The following SLC5A11 variants were observed in gnomAD, a reference collection of about 807,000 sequenced individuals.
SLC5A11 encodes the protein sodium/myo-inositol cotransporter 2.
SLC5A11 carries 48 observed loss-of-function variants against 69.8 expected under a neutral mutation model. The observed-to-expected ratio is 0.69, with a 90% CI of 0.55 to 0.87. The LOEUF is 0.87. Among genes scored for constraint, SLC5A11 ranks in the 40% least tolerant of loss-of-function variants. SLC5A11 has a pLI of 0.00. For synonymous variants in SLC5A11, 319 were observed against 342.4 expected (o/e 0.93, Z 0.75); for missense variants, 784 against 866.1 (o/e 0.91, Z 1.19).
At chr16:24,862,812 C>G in intron 3 of SLC5A11, 140 bp downstream of exon 4, 2 of 555,080 alleles carry the variant, frequency 3.6e-6, no homozygotes, top group Non-Finnish European at 5.7e-6. Context: ...AGGCTTAGCT[C>G]CAGCTCAAAT....
intron 8 of SLC5A11, among the ~76,000 whole-genome samples, chr16:24,884,996 C>T (rs1030219665): frequency 1.3e-5 from 2 of 152,154 alleles, no homozygotes; most frequent in African/African-American, 4.8e-5. Flanking sequence ...CCTGCCTCGG[C>T]CTCCCAAAGT....
chr16:24,897,671 C>G (rs2049278414), intron 9 of SLC5A11, among the ~76,000 whole-genome samples: 1 of 152,128 alleles, frequency 6.6e-6, no homozygotes, highest in African/African-American at 2.4e-5. Flanking sequence ...GGGGAGGCCT[C>G]ACAATCATGG....
At chr16:24,910,261 G>C (rs769350874) in intron 14 of SLC5A11, 45 bp from the exon 16 acceptor site, 3 of 1,599,216 alleles carry the variant, frequency 1.9e-6, no homozygotes, top group Admixed American at 3.4e-5. Flanking sequence ...GACAACCCCG[G>C]CCCCACCTCC....
chr16:24,853,748 T>G (rs1161372202), intron 1 of SLC5A11, among the ~76,000 whole-genome samples: 3 of 152,224 alleles, frequency 2.0e-5, no homozygotes, highest in Non-Finnish European at 2.9e-5. Context: ...GATTCCCACC[T>G]GTGAAATGGA....
chr16:24,881,388 G>A (rs2048034970), intron 7 of SLC5A11, among the ~76,000 whole-genome samples: 1 of 152,054 alleles, frequency 6.6e-6, no homozygotes, highest in Admixed American at 6.6e-5. Flanking sequence ...CCAGGTTCAA[G>A]TGATTCTCCT....
intron 14 of SLC5A11, among the ~76,000 whole-genome samples, chr16:24,909,890 T>C (rs1398186146): frequency 6.6e-6 from 1 of 151,094 alleles, no homozygotes; most frequent in African/African-American, 2.4e-5. Flanking sequence ...CCAGAATTTC[T>C]AGAGAATTTC....
intron 13 of SLC5A11, among the ~76,000 whole-genome samples, chr16:24,908,469 G>T (rs745375947): frequency 6.6e-6 from 1 of 151,656 alleles, no homozygotes; most frequent in Non-Finnish European, 1.5e-5. Flanking sequence ...TGTGGTGGTG[G>T]GCGCCTGTAA....
chr16:24,849,587 AAAAAAAATATATATATATATAT>A, intron 1 of SLC5A11, among the ~76,000 whole-genome samples: 2 of 81,884 alleles, frequency 2.4e-5, no homozygotes, highest in East Asian at 2.8e-4. Flanking sequence ...AAAAAAAAAA[AAAAAAAATATATATATATATAT>A]ATATATATAT....
At chr16:24,875,363 T>C (rs1460404793) in intron 5 of SLC5A11, among the ~76,000 whole-genome samples, 1 of 150,470 alleles carries the variant, frequency 6.6e-6, no homozygotes, top group Non-Finnish European at 1.5e-5. Flanking sequence ...TTTGTATTTT[T>C]TGTAGAAATG....
chr16:24,877,721 T>C (rs539842819), intron 7 of SLC5A11, among the ~76,000 whole-genome samples: 21 of 152,034 alleles, frequency 1.4e-4, no homozygotes, highest in South Asian at 8.3e-4. Context: ...CACGGTGGCT[T>C]ACGCCTGTAA....
At chr16:24,849,553 C>G (rs1395715970) in intron 1 of SLC5A11, among the ~76,000 whole-genome samples, 1 of 109,286 alleles carries the variant, frequency 9.2e-6, no homozygotes, top group African/African-American at 3.5e-5. Flanking sequence ...GGTAACAGAG[C>G]GAGACTCTGC....
intron 14 of SLC5A11, 62 bp from the exon 16 acceptor site, chr16:24,910,244 A>G: frequency 6.4e-7 from 1 of 1,562,294 alleles, no homozygotes; most frequent in Non-Finnish European, 8.7e-7. Flanking sequence ...AGTGTGAGAA[A>G]AGGATGGACA....
At chr16:24,872,166 T>C (rs1319606771) in exon 5 of SLC5A11, 4 of 1,614,124 alleles carry the variant, frequency 2.5e-6, no homozygotes, top group African/African-American at 1.3e-5. Flanking sequence ...GCAGGGCTTG[T>C]TTTCTGTGCT....
chr16:24,901,715 A>G (rs1219394968), intron 10 of SLC5A11, among the ~76,000 whole-genome samples: 8 of 152,172 alleles, frequency 5.3e-5, no homozygotes, highest in Admixed American at 5.2e-4. Flanking sequence ...CTGGGGGCCC[A>G]TAAGTGAACA....
At chr16:24,870,346 TTGCACTAC>T (rs1361874519) in intron 4 of SLC5A11, among the ~76,000 whole-genome samples, 1 of 151,136 alleles carries the variant, frequency 6.6e-6, no homozygotes, top group East Asian at 2.0e-4. Context: ...TGAGCAGAGA[TTGCACTAC>T]TGCGCGCCAG....
chr16:24,883,577 T>C (rs1306905808), intron 7 of SLC5A11, among the ~76,000 whole-genome samples: 1 of 152,224 alleles, frequency 6.6e-6, no homozygotes, highest in Admixed American at 6.5e-5. Flanking sequence ...CTGCGAATTA[T>C]AGTTCGGTGT....
At chr16:24,888,774 G>A (rs1240322369) in intron 8 of SLC5A11, among the ~76,000 whole-genome samples, 3 of 122,906 alleles carry the variant, frequency 2.4e-5, no homozygotes, top group African/African-American at 6.2e-5. Context: ...GTGAGCCACC[G>A]TGCCTGTCCT....
rs748412604 is a variant in SLC5A11, at chr16:24,885,656, C to CAAAA, written c.664+1547_664+1550dup. Among the ~76,000 whole-genome samples, 37 of 65,928 alleles carry CAAAA rather than the reference C, an allele frequency of 5.6e-4. 1 individual carries two copies. The highest frequency in any genetic ancestry group is 2.1e-3 in the African/African-American group (33 of 15,638). 43.3% of individuals were successfully genotyped at this position (65,928 alleles called of 152,430 possible). On this transcript the variant is annotated intron_variant, in intron 8 of 15. Transcript: ENST00000347898. Reference sequence around the variant, plus strand: ...TTTGAGACAGAGTGAGACCCTGTCTCAAAAAAAAAAAAAAAAAAAAAAAAA... The same window carrying CAAAA: ...TTTGAGACAGAGTGAGACCCTGTCTCAAAAAAAAAAAAAAAAAAAAAAAAAAAAA...
chr16:24,863,607 A>C (rs2046736924), intron 3 of SLC5A11, among the ~76,000 whole-genome samples: 1 of 152,148 alleles, frequency 6.6e-6, no homozygotes, highest in South Asian at 2.1e-4. Context: ...CAGAGTAAAG[A>C]GCTTCAAAAA....
Sources: allele counts gnomAD v4.1 joint callset (sites outside exome capture counted in the v4.1 genomes callset), GRCh38; gene constraint gnomAD v4.1.1; transcripts MANE v1.5; gene names NCBI Gene and HGNC (gene_info 2026-07-23, HGNC 2026-07-21).